The following WWOX variants were observed in gnomAD, a reference collection of about 807,000 sequenced individuals.
The protein encoded by WWOX is WW domain containing oxidoreductase, also known as WW domain-containing oxidoreductase.
Under a neutral mutation model 46.2 loss-of-function variants are expected in WWOX, and 69 were observed. The observed-to-expected ratio is 1.49, with a 90% CI of 1.23 to 1.82. WWOX has a LOEUF of 1.82. Among genes scored for constraint, WWOX ranks in the 40% most tolerant of loss-of-function variants. The probability of loss-of-function intolerance (pLI) is 0.00; values close to 1 mark genes in which losing one functional copy is unlikely to be tolerated. For missense variants in WWOX, 919 were observed against 542.6 expected, an observed-to-expected ratio of 1.69 and a Z score of -6.89; for synonymous variants, 359 against 202.6, an observed-to-expected ratio of 1.77 and a Z score of -6.56.
intron 8 of WWOX, among the ~76,000 whole-genome samples, chr16:78,439,041 C>T (rs184017882): frequency 1.3e-5 from 2 of 152,140 alleles, no homozygotes; most frequent in South Asian, 2.1e-4. Context: ...TACTTCTCCC[C>T]CTTTCCATCT....
intron 5 of WWOX, among the ~76,000 whole-genome samples, chr16:78,313,930 C>T (rs1360852795): frequency 2.0e-5 from 3 of 152,234 alleles, no homozygotes; most frequent in African/African-American, 7.2e-5. Context: ...CCCAGTGACA[C>T]TTCCCTTATA....
At position 78,188,380 on chromosome 16, in the gene WWOX, C is replaced by T. The variant is rs373008259; in HGVS notation, c.516+24091C>T. Among the ~76,000 whole-genome samples, 190 of 150,740 alleles carry T rather than the reference C, an allele frequency of 1.3e-3. No homozygotes were observed. In the East Asian group the frequency reaches 0.018, roughly 14 times the overall value. On this transcript the variant is annotated intron_variant, in intron 5 of 8. Coordinates refer to ENST00000566780, the MANE Select transcript of WWOX (RefSeq NM_016373.4). ...GTGGGTGCCTGTAGTCCCAGCTACTCGGGAGGCTGAGGCAGGACAATGGCG... is the reference window on the plus strand; with the variant it reads ...GTGGGTGCCTGTAGTCCCAGCTACTTGGGAGGCTGAGGCAGGACAATGGCG...
intron 8 of WWOX, among the ~76,000 whole-genome samples, chr16:78,470,096 G>A (rs1235458901): frequency 6.6e-6 from 1 of 152,226 alleles, no homozygotes; most frequent in Non-Finnish European, 1.5e-5. Flanking sequence ...TCTCTTCCAA[G>A]TGGTAACCCA....
intron 8 of WWOX, among the ~76,000 whole-genome samples, chr16:78,553,804 C>G (rs376709259): frequency 5.9e-5 from 9 of 151,810 alleles, no homozygotes; most frequent in Non-Finnish European, 1.0e-4. Context: ...GTCCTGCAGA[C>G]CCCCCTGGTG....
At chr16:78,144,462 TACACAC>T (rs1211442706) in intron 4 of WWOX, among the ~76,000 whole-genome samples, 296 of 23,304 alleles carry the variant, frequency 0.013, 27 homozygotes, top group Middle Eastern at 0.037. Flanking sequence ...TATATATATA[TACACAC>T]ATATATATAT....
At chr16:78,386,808 T>C in intron 5 of WWOX, 52 bp from the exon 6 acceptor site, 1 of 1,503,722 alleles carries the variant, frequency 6.7e-7, no homozygotes, top group Non-Finnish European at 9.3e-7. Context: ...CTTGATACCA[T>C]GAACTACACT....
intron 5 of WWOX, among the ~76,000 whole-genome samples, chr16:78,350,085 C>A (rs973616478): frequency 8.3e-6 from 1 of 120,990 alleles, no homozygotes; most frequent in African/African-American, 2.8e-5. Context: ...GACCATGTCA[C>A]TTAAGTTTCT....
intron 4 of WWOX, among the ~76,000 whole-genome samples, chr16:78,157,352 C>A (rs2034641060): frequency 6.6e-6 from 1 of 152,204 alleles, no homozygotes; most frequent in South Asian, 2.1e-4. Flanking sequence ...TGGCATTTTA[C>A]TTCTCTCATT....
At chr16:78,499,948 C>A (rs756652749) in intron 8 of WWOX, among the ~76,000 whole-genome samples, 15 of 152,182 alleles carry the variant, frequency 9.9e-5, no homozygotes, top group Non-Finnish European at 1.9e-4. Context: ...ATGGTCCTTA[C>A]CGTTCTGAGG....
At chr16:78,386,687 C>T (rs916075466) in intron 5 of WWOX, among the ~76,000 whole-genome samples, 173 bp from the exon 6 acceptor site, 14 of 149,968 alleles carry the variant, frequency 9.3e-5, no homozygotes, top group African/African-American at 3.2e-4. Context: ...CCTCCCCGAA[C>T]TTGGCAGTAA....
chr16:78,349,376 CAG>C lies in WWOX; in HGVS notation c.517-37482_517-37481del, dbSNP rs1458549172. Among the ~76,000 whole-genome samples the C allele has an allele frequency of 5.8e-5, 7 of 121,076 alleles. 2 individuals are homozygous for C. Among genetic ancestry groups the C allele is most frequent in the African/African-American group, 2.0e-4 (7 of 35,684 alleles). 79.4% of individuals were successfully genotyped at this position (121,076 alleles called of 152,430 possible). ...CTTCAGCATATGAATTTTGGGGAAACAGAATCCAGCTAACAACAGTTGGGGAT... is the reference window on the plus strand; with the variant it reads ...CTTCAGCATATGAATTTTGGGGAAACAATCCAGCTAACAACAGTTGGGGAT... On this transcript the variant is annotated intron_variant, in intron 5 of 8. Transcript: ENST00000566780.
chr16:78,110,734 C>G (rs1192505687), intron 3 of WWOX, among the ~76,000 whole-genome samples: 3 of 152,110 alleles, frequency 2.0e-5, no homozygotes, highest in African/African-American at 7.2e-5. Flanking sequence ...CATTGGATCC[C>G]CACAGTGCCC....
At chr16:78,884,415 T>C (rs1237526292) in intron 8 of WWOX, among the ~76,000 whole-genome samples, 1 of 152,158 alleles carries the variant, frequency 6.6e-6, no homozygotes, top group African/African-American at 2.4e-5. Context: ...TATTCATGAT[T>C]ACTCAAGACA....
chr16:78,519,484 C>G (rs2043304501), intron 8 of WWOX, among the ~76,000 whole-genome samples: 1 of 150,842 alleles, frequency 6.6e-6, no homozygotes, highest in African/African-American at 2.4e-5. Context: ...TATTATACAT[C>G]TATGAAATAT....
intron 5 of WWOX, among the ~76,000 whole-genome samples, chr16:78,329,660 G>A (rs2080711451): frequency 6.6e-6 from 1 of 152,170 alleles, no homozygotes; most frequent in Admixed American, 6.5e-5. Context: ...TTGTGGGGAA[G>A]CGTGCTCTGT....
At chr16:78,242,157 A>G (rs1022876113) in intron 5 of WWOX, among the ~76,000 whole-genome samples, 1 of 152,244 alleles carries the variant, frequency 6.6e-6, no homozygotes, top group Non-Finnish European at 1.5e-5. Flanking sequence ...TGCCTCGGGT[A>G]GAAATAATTC....
intron 5 of WWOX, among the ~76,000 whole-genome samples, chr16:78,183,044 C>T (rs1411126045): frequency 6.6e-6 from 1 of 151,464 alleles, no homozygotes; most frequent in Non-Finnish European, 1.5e-5. Flanking sequence ...GCATCTATGA[C>T]AGCACGGATC....
intron 8 of WWOX, among the ~76,000 whole-genome samples, chr16:78,490,238 C>G (rs1353462912): frequency 6.6e-6 from 1 of 152,132 alleles, no homozygotes; most frequent in African/African-American, 2.4e-5. Context: ...TATATGGTCC[C>G]ATGATCATCA....
chr16:78,446,177 A>T (rs1307663864), intron 8 of WWOX, among the ~76,000 whole-genome samples: 2 of 152,368 alleles, frequency 1.3e-5, no homozygotes, highest in East Asian at 3.9e-4. Flanking sequence ...TATCAGTTTA[A>T]TGTACAATGG....
Sources: allele counts gnomAD v4.1 joint callset (sites outside exome capture counted in the v4.1 genomes callset), GRCh38; gene constraint gnomAD v4.1.1; transcripts MANE v1.5; gene names NCBI Gene and HGNC (gene_info 2026-07-23, HGNC 2026-07-21).